The following RNF220 variants were observed in gnomAD, a reference collection of about 807,000 sequenced individuals.
RNF220 encodes ring finger protein 220.
A neutral mutation model predicts 67.1 loss-of-function variants in RNF220; 7 were observed. The ratio of observed to expected loss-of-function variants is 0.10; its 90% CI spans 0.06 to 0.20. The LOEUF (loss-of-function observed/expected upper bound fraction) is 0.20, where lower values mean the gene tolerates loss of function less well. Among genes scored for constraint, RNF220 ranks in the 10% least tolerant of loss-of-function variants. RNF220 has a pLI of 1.00. For synonymous variants in RNF220, 270 were observed against 283.2 expected (o/e 0.95, Z 0.47); for missense variants, 565 against 740.3 (o/e 0.76, Z 2.75).
In RNF220 at chr1:44,622,776, G is replaced by A; in HGVS notation, c.793G>A (p.Gly265Ser). 6.2e-7 allele frequency: 1 copy of A among 1,613,970 alleles called. No homozygotes were observed. The highest frequency in any genetic ancestry group is 8.5e-7 in the Non-Finnish European group (1 of 1,179,920). The stretch of plus-strand genomic sequence containing the variant: ...CCTTCTGAAGGATGCCATGGCTCCA[G>A]GCACCCCAAAGGTAGGTGGCCAATT... ...NSLLKDAMAP[G>S]TPKSLLLSAS... Residue 265 changes from glycine to serine, a missense_variant, in exon 4 of 15, where the codon GGC (glycine) becomes AGC (serine). Transcript: ENST00000361799. This position sits in a 1 kb window ranked among gnomAD's most constrained non-coding sequence, Gnocchi z 4.3.
intron 2 of RNF220, among the ~76,000 whole-genome samples, chr1:44,436,897 A>C (rs1484923622): frequency 6.6e-6 from 1 of 152,204 alleles, no homozygotes. Context: ...ATTTGTTATG[A>C]AGTTCACACA....
intron 2 of RNF220, among the ~76,000 whole-genome samples, chr1:44,490,929 A>C (rs2148052164): frequency 6.6e-6 from 1 of 152,290 alleles, no homozygotes; most frequent in Non-Finnish European, 1.5e-5. Flanking sequence ...AGAAATAAAA[A>C]AAGCATTATA....
At chr1:44,608,162 C>T (rs1454766367) in intron 2 of RNF220, among the ~76,000 whole-genome samples, 1 of 150,894 alleles carries the variant, frequency 6.6e-6, no homozygotes, top group Non-Finnish European at 1.5e-5. Context: ...TGGCCTTAAG[C>T]AGTCCTCCCA....
upstream of RNF220, chr1:44,405,200 CGTGT>C (rs139658142): frequency 2.8e-5 from 9 of 327,160 alleles, no homozygotes; most frequent in Middle Eastern, 8.4e-4. Flanking sequence ...TGTGTGCGTG[CGTGT>C]GTGTGTGCGC....
chr1:44,433,184 C>T (rs988627297), intron 2 of RNF220, among the ~76,000 whole-genome samples: 2 of 152,164 alleles, frequency 1.3e-5, no homozygotes, highest in African/African-American at 4.8e-5. Flanking sequence ...CCTGCTTCAG[C>T]CTCCCAAAGT....
chr1:44,515,224 A>G, intron 2 of RNF220, among the ~76,000 whole-genome samples: 1 of 152,220 alleles, frequency 6.6e-6, no homozygotes, highest in East Asian at 1.9e-4. Context: ...AGGGGAATCC[A>G]GAACACGGGG....
At chr1:44,502,675 G>C (rs756572010) in intron 2 of RNF220, among the ~76,000 whole-genome samples, 7 of 152,100 alleles carry the variant, frequency 4.6e-5, no homozygotes, top group Non-Finnish European at 8.8e-5. Flanking sequence ...TATCACACAT[G>C]CCACACAATA....
At chr1:44,423,770 C>T (rs1003377467) in intron 2 of RNF220, 1 of 909,922 alleles carries the variant, frequency 1.1e-6, no homozygotes, top group African/African-American at 1.8e-5. Flanking sequence ...ACATAGCACC[C>T]GGGATTCTTG....
chr1:44,588,965 C>CCT (rs1313821923), intron 2 of RNF220, among the ~76,000 whole-genome samples: 1 of 152,238 alleles, frequency 6.6e-6, no homozygotes, highest in Non-Finnish European at 1.5e-5. Context: ...AGGCCTGCCT[C>CCT]CTCTCCTAGA....
intron 2 of RNF220, among the ~76,000 whole-genome samples, chr1:44,522,042 C>G (rs1324409786): frequency 6.6e-6 from 1 of 152,146 alleles, no homozygotes; most frequent in Non-Finnish European, 1.5e-5. Context: ...AGCAAGATGG[C>G]CGCAACTTTA....
intron 2 of RNF220, among the ~76,000 whole-genome samples, chr1:44,454,018 C>A (rs766124196): frequency 9.9e-5 from 15 of 152,212 alleles, no homozygotes; most frequent in Non-Finnish European, 1.9e-4. Flanking sequence ...CTCCACTTTA[C>A]ACTTGTATGA....
At chr1:44,614,576 C>T (rs566113070) in intron 3 of RNF220, among the ~76,000 whole-genome samples, 91 of 152,328 alleles carry the variant, frequency 6.0e-4, no homozygotes, top group African/African-American at 2.1e-3. Context: ...TGAGCCACTG[C>T]CAAAGGCCCA....
chr1:44,452,924 C>T (rs1178726268), intron 2 of RNF220, among the ~76,000 whole-genome samples: 2 of 152,190 alleles, frequency 1.3e-5, no homozygotes, highest in Non-Finnish European at 2.9e-5. Flanking sequence ...ATCAGAAACT[C>T]ATTAAATTTA....
intron 2 of RNF220, among the ~76,000 whole-genome samples, chr1:44,414,003 T>A (rs1249072552): frequency 6.6e-6 from 1 of 152,226 alleles, no homozygotes; most frequent in East Asian, 1.9e-4. Context: ...CGCTCTTTGG[T>A]TTTGAAATAT....
At chr1:44,589,459 G>A (rs270717) in intron 2 of RNF220, among the ~76,000 whole-genome samples, 145,007 of 152,102 alleles carry the variant, frequency 0.95, 69,519 homozygotes, top group East Asian at 1. Context: ...CTAAAAATAC[G>A]AAAAATTAGC....
chr1:44,518,880 C>CA (rs199912972), intron 2 of RNF220, among the ~76,000 whole-genome samples: 2,287 of 136,380 alleles, frequency 0.017, 51 homozygotes, highest in East Asian at 0.11. Flanking sequence ...GTCTAAAAAA[C>CA]AAAAAAAACA....
At chr1:44,435,335 T>G (rs1018294760) in intron 2 of RNF220, among the ~76,000 whole-genome samples, 1 of 152,168 alleles carries the variant, frequency 6.6e-6, no homozygotes, top group African/African-American at 2.4e-5. Flanking sequence ...GTCTGCACAA[T>G]GGGAATAAGA....
intron 2 of RNF220, among the ~76,000 whole-genome samples, chr1:44,451,927 T>C (rs966379265): frequency 6.6e-6 from 1 of 152,184 alleles, no homozygotes; most frequent in African/African-American, 2.4e-5. Flanking sequence ...CCTTAACTCT[T>C]CTGTCAGTCT....
intron 2 of RNF220, among the ~76,000 whole-genome samples, chr1:44,560,195 C>G (rs1663454348): frequency 6.6e-6 from 1 of 152,218 alleles, no homozygotes; most frequent in Non-Finnish European, 1.5e-5. Flanking sequence ...AACCTGGAGC[C>G]TGGCCCACGG....
Sources: gnomAD v4.1 joint callset for allele counts (sites outside exome capture counted in the v4.1 genomes callset) on GRCh38, gnomAD v4.1.1 for gene constraint, Gnocchi (gnomAD v3.1) non-coding constraint, MANE v1.5 for transcripts, NCBI Gene and HGNC (gene_info 2026-07-23, HGNC 2026-07-21) for gene names.